Variants in CA1 observed in about 807,000 individuals in gnomAD.
The protein encoded by CA1 is carbonic anhydrase 1.
Under a neutral mutation model 28.8 loss-of-function variants are expected in CA1, and 27 were observed. The observed-to-expected ratio is 0.94, with a 90% confidence interval of 0.69 to 1.29. CA1 has a LOEUF of 1.29. CA1 is among the 50% of genes most tolerant of loss of function. CA1 has a pLI of 0.00. For synonymous variants in CA1, 121 were observed against 108.8 expected, an observed-to-expected ratio of 1.11 and a Z score of -0.70; for missense variants, 335 against 310.5, an observed-to-expected ratio of 1.08 and a Z score of -0.59.
intron 1 of CA1, among the ~76,000 whole-genome samples, chr8:85,352,668 T>C (rs1373129310): frequency 1.2e-5 from 1 of 85,682 alleles, no homozygotes; most frequent in African/African-American, 4.0e-5. Flanking sequence ...TCAGCTCCAT[T>C]TTTTTTTTTT....
At chr8:85,355,804 T>C (rs1809584033) in intron 1 of CA1, among the ~76,000 whole-genome samples, 1 of 152,042 alleles carries the variant, frequency 6.6e-6, no homozygotes, top group African/African-American at 2.4e-5. Context: ...GCTAAACTTA[T>C]TATGTGAACC....
intron 1 of CA1, among the ~76,000 whole-genome samples, chr8:85,361,863 A>G (rs918457465): frequency 5.3e-5 from 8 of 152,130 alleles, no homozygotes; most frequent in African/African-American, 1.9e-4. Context: ...GTACCCATTG[A>G]TCATGCAAGT....
intron 1 of CA1, among the ~76,000 whole-genome samples, chr8:85,376,524 T>A (rs1430850769): frequency 2.0e-5 from 3 of 151,038 alleles, no homozygotes; most frequent in African/African-American, 7.3e-5. Flanking sequence ...TAGACGGGCG[T>A]GGTGGCACAT....
chr8:85,355,779 T>G (rs937979731), intron 1 of CA1, among the ~76,000 whole-genome samples: 5 of 152,074 alleles, frequency 3.3e-5, no homozygotes, highest in South Asian at 2.1e-4. Context: ...TTATTTTGTT[T>G]TAATGTAACT....
intron 1 of CA1, chr8:85,342,777 A>T (rs1808979674): frequency 6.6e-6 from 1 of 152,226 alleles, no homozygotes; most frequent in African/African-American, 2.4e-5. Context: ...ATGCCATGAC[A>T]GTCATTCCTC....
At chr8:85,354,647 G>A (rs886186976) in intron 1 of CA1, among the ~76,000 whole-genome samples, 1 of 152,176 alleles carries the variant, frequency 6.6e-6, no homozygotes, top group African/African-American at 2.4e-5. Flanking sequence ...CTTTCAAGGC[G>A]GGGAACCAGC....
chr8:85,376,412 A>G (rs931692944), intron 1 of CA1, among the ~76,000 whole-genome samples: 1 of 152,070 alleles, frequency 6.6e-6, no homozygotes. Flanking sequence ...CTATAATCCC[A>G]GCACTTTGGG....
chr8:85,329,912 AT>A, intron 6 of CA1, 68 bp from the exon 7 acceptor site: 3 of 1,174,846 alleles, frequency 2.6e-6, no homozygotes, highest in Non-Finnish European at 3.7e-6. Flanking sequence ...TGACATATAT[AT>A]GCTATATTAT....
chr8:85,330,515 C>T (rs1461507104), intron 6 of CA1, among the ~76,000 whole-genome samples: 4 of 152,096 alleles, frequency 2.6e-5, no homozygotes, highest in Non-Finnish European at 4.4e-5. Context: ...GTGATGGTCA[C>T]AGTGGCACTT....
intron 2 of CA1, among the ~76,000 whole-genome samples, chr8:85,340,224 G>A (rs1478301273): frequency 6.6e-6 from 1 of 152,146 alleles, no homozygotes; most frequent in Non-Finnish European, 1.5e-5. Context: ...TGCAACTGTT[G>A]ACTTTAAGTT....
At chr8:85,339,577 A>T (rs894036312) in intron 2 of CA1, among the ~76,000 whole-genome samples, 3 of 152,202 alleles carry the variant, frequency 2.0e-5, no homozygotes, top group African/African-American at 7.2e-5. Context: ...GAAGAGTCAC[A>T]TGTTTCTCAC....
At chr8:85,336,502 C>G (rs1229968651) in intron 4 of CA1, among the ~76,000 whole-genome samples, 1 of 152,092 alleles carries the variant, frequency 6.6e-6, no homozygotes, top group African/African-American at 2.4e-5. Flanking sequence ...GTTCTGTGAC[C>G]ATTGCTGTGG....
intron 5 of CA1, 142 bp from the exon 6 acceptor site, chr8:85,332,694 A>G (rs1036683409): frequency 3.4e-5 from 23 of 677,186 alleles, no homozygotes; most frequent in Non-Finnish European, 5.9e-5. Context: ...AGATTTTTCA[A>G]GCTGTATGTC....
intron 1 of CA1, chr8:85,373,372 G>A (rs1457630316): frequency 1.3e-5 from 2 of 152,274 alleles, no homozygotes; most frequent in South Asian, 2.1e-4. Context: ...AAATACAGAA[G>A]GTCAGTAGCA....
At chr8:85,355,215 A>G (rs1459285649) in intron 1 of CA1, among the ~76,000 whole-genome samples, 2 of 152,178 alleles carry the variant, frequency 1.3e-5, no homozygotes, top group East Asian at 3.9e-4. Context: ...GAGATCACTG[A>G]CTGCTGTGCG....
intron 1 of CA1, among the ~76,000 whole-genome samples, chr8:85,370,671 T>A (rs901834411): frequency 6.6e-6 from 1 of 152,152 alleles, no homozygotes; most frequent in African/African-American, 2.4e-5. Context: ...GCTGTCAAAA[T>A]GTATGACAAC....
chr8:85,329,790 G>A lies in CA1; in HGVS notation c.568C>T (p.Leu190=). The change falls in exon 7 of 8, where the codon CTG becomes TTG. Residue 190 remains leucine, a synonymous_variant. Coordinates refer to ENST00000523022, the MANE Select transcript of CA1 (RefSeq NM_001128831.4). ...GAGCCAGGGTAGGTCCAGAAATCCA[G>A]GGATGAAGGAAGGAGAGTAGAGGGG... ...FDPSTLLPSS[L]DFWTYPGSLT... is the part of the protein sequence containing the mutation. 1 of 1,603,894 alleles carries A rather than the reference G, an allele frequency of 6.2e-7. No homozygotes were observed. Among genetic ancestry groups the A allele is most frequent in the Non-Finnish European group, 8.5e-7 (1 of 1,174,242 alleles).
At chr8:85,359,183 C>G (rs1156275905) in intron 1 of CA1, among the ~76,000 whole-genome samples, 5 of 152,092 alleles carry the variant, frequency 3.3e-5, no homozygotes, top group Non-Finnish European at 7.4e-5. Flanking sequence ...CTCACTGTAC[C>G]CTACTCAGCA....
At chr8:85,345,867 CA>C (rs1182135556) in intron 1 of CA1, among the ~76,000 whole-genome samples, 2 of 152,044 alleles carry the variant, frequency 1.3e-5, no homozygotes, top group Non-Finnish European at 2.9e-5. Context: ...TTGTAAGTGT[CA>C]AATTTTTGAC....
Sources: gnomAD v4.1 joint callset for allele counts (sites outside exome capture counted in the v4.1 genomes callset) on GRCh38, gnomAD v4.1.1 for gene constraint, MANE v1.5 for transcripts, NCBI Gene and HGNC (gene_info 2026-07-23, HGNC 2026-07-21) for gene names.